The following XKR6 variants were observed in gnomAD, a reference collection of about 807,000 sequenced individuals.
XKR6 encodes the protein XK related 6, also known as XK-related protein 6.
XKR6 carries 22 observed loss-of-function variants against 56.7 expected under a neutral mutation model. That is an observed-to-expected ratio of 0.39 (90% CI 0.28 to 0.55). The LOEUF is 0.55. Among genes scored for constraint, XKR6 ranks in the 20% least tolerant of loss-of-function variants. XKR6 has a pLI of 0.66. For synonymous variants in XKR6, 524 were observed against 387.8 expected, an observed-to-expected ratio of 1.35 and a Z score of -4.13; for missense variants, 852 against 889.0, an observed-to-expected ratio of 0.96 and a Z score of 0.53.
At chr8:11,177,741 G>T (rs1802733135) in intron 1 of XKR6, among the ~76,000 whole-genome samples, 1 of 152,234 alleles carries the variant, frequency 6.6e-6, no homozygotes, top group East Asian at 1.9e-4. Flanking sequence ...AAGCTAGGAA[G>T]GGGCATGGAA....
At chr8:11,161,018 C>T (rs1378667483) in intron 1 of XKR6, among the ~76,000 whole-genome samples, 1 of 151,720 alleles carries the variant, frequency 6.6e-6, no homozygotes, top group African/African-American at 2.4e-5. Flanking sequence ...TGAATATGGG[C>T]CCTTCTAACC....
chr8:11,128,260 C>G (rs1799927730), intron 1 of XKR6, among the ~76,000 whole-genome samples: 2 of 152,330 alleles, frequency 1.3e-5, no homozygotes, highest in South Asian at 4.1e-4. Flanking sequence ...TTCTTCTCCT[C>G]TCCCTGACCT....
intron 1 of XKR6, among the ~76,000 whole-genome samples, chr8:10,985,834 G>A (rs759325697): frequency 2.6e-5 from 4 of 151,958 alleles, no homozygotes; most frequent in Non-Finnish European, 2.9e-5. Flanking sequence ...TTGAACTCCC[G>A]AGCTCAAGCG....
At chr8:11,133,807 A>G (rs1215131794) in intron 1 of XKR6, among the ~76,000 whole-genome samples, 2 of 152,118 alleles carry the variant, frequency 1.3e-5, no homozygotes, top group Admixed American at 1.3e-4. Context: ...CATCCAAAAC[A>G]TAATTAACTC....
rs535430194 is a variant in XKR6 at position 11,093,794 on chromosome 8, G to T, written c.764+106782C>A. Among the ~76,000 whole-genome samples the T allele has an allele frequency of 1.0e-3, 158 of 151,486 alleles. 2 individuals carry two copies. The highest frequency in any genetic ancestry group is 3.8e-3 in the African/African-American group (156 of 41,262). On this transcript the variant is annotated intron_variant, in intron 1 of 2. Coordinates refer to ENST00000416569, the MANE Select transcript of XKR6 (RefSeq NM_173683.4). ...TTACATTATGTAATTTTTTTTGTTTGTTTTTTTGAGATGGAGTCTCGCTCT... is the reference window on the plus strand; with the variant it reads ...TTACATTATGTAATTTTTTTTGTTTTTTTTTTTGAGATGGAGTCTCGCTCT...
chr8:10,909,245 AAAG>A (rs1800279990), intron 2 of XKR6, among the ~76,000 whole-genome samples: 1 of 152,116 alleles, frequency 6.6e-6, no homozygotes, highest in Admixed American at 6.5e-5. Flanking sequence ...AAGACACAGC[AAAG>A]AGGCTCTCAC....
At chr8:11,095,138 G>A (rs1798226363) in intron 1 of XKR6, among the ~76,000 whole-genome samples, 1 of 152,170 alleles carries the variant, frequency 6.6e-6, no homozygotes, top group South Asian at 2.1e-4. Context: ...GAGAAACAGG[G>A]ATGTATTTTC....
chr8:11,104,915 T>C (rs1156902192), intron 1 of XKR6: 1 of 152,230 alleles, frequency 6.6e-6, no homozygotes, highest in Non-Finnish European at 1.5e-5. Flanking sequence ...TGGAAGTCTG[T>C]TCGAGAGATT....
intron 1 of XKR6, among the ~76,000 whole-genome samples, chr8:11,076,931 C>G (rs979719157): frequency 6.6e-6 from 1 of 152,202 alleles, no homozygotes; most frequent in East Asian, 1.9e-4. Context: ...AATCCCAGCA[C>G]TTTGGAGGCT....
chr8:11,189,501 T>C (rs1260063573), intron 1 of XKR6, among the ~76,000 whole-genome samples: 1 of 152,226 alleles, frequency 6.6e-6, no homozygotes, highest in East Asian at 1.9e-4. Flanking sequence ...TCCATTCAGA[T>C]TGTTTAAATA....
intron 1 of XKR6, among the ~76,000 whole-genome samples, chr8:11,120,694 C>T (rs376316630): frequency 0.012 from 1,760 of 152,060 alleles, 27 homozygotes; most frequent in African/African-American, 0.034. Context: ...TACTTTAAAG[C>T]TCATATGGAA....
At chr8:10,959,179 G>C (rs1298843153) in intron 1 of XKR6, among the ~76,000 whole-genome samples, 1 of 152,106 alleles carries the variant, frequency 6.6e-6, no homozygotes, top group African/African-American at 2.4e-5. Flanking sequence ...ACTTCTCCTG[G>C]TCACCGGATC....
intron 1 of XKR6, among the ~76,000 whole-genome samples, chr8:10,963,042 G>A (rs909929362): frequency 7.9e-5 from 12 of 152,212 alleles, no homozygotes; most frequent in African/African-American, 2.9e-4. Context: ...GCTCCTGCCC[G>A]GCACCCCTGC....
At chr8:11,107,552 T>C (rs1342939220) in intron 1 of XKR6, among the ~76,000 whole-genome samples, 1 of 152,076 alleles carries the variant, frequency 6.6e-6, no homozygotes, top group African/African-American at 2.4e-5. Context: ...CAGGGAGAAG[T>C]GGTGAGGACA....
Position 11,137,674 on chromosome 8 carries a change from C to T in XKR6, c.764+62902G>A, listed in dbSNP as rs76036619. On this transcript the variant is annotated intron_variant, in intron 1 of 2. Transcript: ENST00000416569. ...ATGGTGTGAGCAATGCAATGTGGAG[C>T]ACAAGCAGCGGAGAGTCTGCTGAAG... The T allele has an allele frequency of 9.7e-3, 4,416 of 456,132 alleles. 166 individuals carry two copies. Among genetic ancestry groups the T allele is most frequent in the African/African-American group, 0.081 (4,077 of 50,118 alleles). 28.3% of individuals were successfully genotyped at this position (456,132 alleles called of 1,614,324 possible). A position where few individuals can be genotyped will look rare whatever the true frequency, so the allele number is the denominator to read the frequency against.
chr8:10,942,153 A>G lies in XKR6; in HGVS notation c.765-17323T>C, dbSNP rs1215603715. ...CCATACACACACCTCCCACATGAAC[A>G]CACACACTCGAACATACCACACACA... is the stretch of plus-strand genomic sequence containing the variant. On this transcript the variant is annotated intron_variant, in intron 1 of 2. Coordinates refer to ENST00000416569, the MANE Select transcript of XKR6 (RefSeq NM_173683.4). Among the ~76,000 whole-genome samples the G allele has an allele frequency of 2.6e-5, 4 of 152,108 alleles. 1 individual carries two copies. Among genetic ancestry groups the G allele is most frequent in the African/African-American group, 9.7e-5 (4 of 41,434 alleles).
At chr8:10,922,978 G>C (rs993653304) in intron 2 of XKR6, among the ~76,000 whole-genome samples, 5 of 152,212 alleles carry the variant, frequency 3.3e-5, no homozygotes, top group Admixed American at 1.3e-4. Context: ...CAGCTGGGCT[G>C]TCACTCCAAG....
At chr8:10,951,886 G>A (rs764819225) in intron 1 of XKR6, among the ~76,000 whole-genome samples, 3 of 152,180 alleles carry the variant, frequency 2.0e-5, no homozygotes, top group South Asian at 2.1e-4. Context: ...ATGCCAGGTC[G>A]GGAAGAGGCC....
intron 2 of XKR6, among the ~76,000 whole-genome samples, chr8:10,908,041 G>A (rs1800232321): frequency 6.6e-6 from 1 of 152,238 alleles, no homozygotes; most frequent in Non-Finnish European, 1.5e-5. Context: ...AAGAGTCACT[G>A]ATTTTCAACG....
Sources: allele counts gnomAD v4.1 joint callset (sites outside exome capture counted in the v4.1 genomes callset), GRCh38; gene constraint gnomAD v4.1.1; transcripts MANE v1.5; gene names NCBI Gene and HGNC (gene_info 2026-07-23, HGNC 2026-07-21).